Variants in DNM3 observed in about 807,000 individuals in gnomAD.
DNM3 encodes the protein dynamin-3.
In DNM3, 47 loss-of-function variants were observed where a neutral mutation model predicts 101.6. The observed-to-expected ratio is 0.46, with a 90% CI of 0.37 to 0.59. The LOEUF (loss-of-function observed/expected upper bound fraction) is 0.59. DNM3 is among the 20% of genes least tolerant of loss of function. The probability of loss-of-function intolerance (pLI) is 0.00; values close to 1 mark genes in which losing one functional copy is unlikely to be tolerated. For missense variants in DNM3, 849 were observed against 1,085.7 expected (o/e 0.78, Z 3.06); for synonymous variants, 385 against 387.9 (o/e 0.99, Z 0.09).
intron 4 of DNM3, among the ~76,000 whole-genome samples, chr1:171,994,963 A>G (rs926067500): frequency 2.0e-5 from 3 of 151,830 alleles, no homozygotes; most frequent in Admixed American, 2.0e-4. Context: ...TGTCCCCTCC[A>G]GGGGTTTCTA....
At chr1:171,877,685 G>A (rs886769997) in intron 1 of DNM3, among the ~76,000 whole-genome samples, 1 of 152,176 alleles carries the variant, frequency 6.6e-6, no homozygotes, top group Non-Finnish European at 1.5e-5. Flanking sequence ...TTATTGCCAT[G>A]ACTTTCTCAC....
chr1:172,171,912 G>A (rs2058974835), intron 14 of DNM3, among the ~76,000 whole-genome samples: 1 of 151,620 alleles, frequency 6.6e-6, no homozygotes, highest in African/African-American at 2.4e-5. Context: ...AAAGGGGATG[G>A]GGGATTATAT....
chr1:171,956,521 C>T (rs2042869404), intron 2 of DNM3, among the ~76,000 whole-genome samples: 1 of 152,160 alleles, frequency 6.6e-6, no homozygotes, highest in Non-Finnish European at 1.5e-5. Flanking sequence ...GTATAGCCCC[C>T]CTCCTGGCTG....
chr1:172,117,958 G>T (rs16843855), intron 13 of DNM3, among the ~76,000 whole-genome samples: 40,184 of 151,960 alleles, frequency 0.26, 5,718 homozygotes, highest in African/African-American at 0.31. Context: ...CACTCCTCGG[G>T]ACCTCAAGAC....
At chr1:172,113,684 C>T (rs1037536210) in intron 13 of DNM3, among the ~76,000 whole-genome samples, 2 of 142,232 alleles carry the variant, frequency 1.4e-5, no homozygotes, top group Non-Finnish European at 3.0e-5. Flanking sequence ...TAAATTTTTA[C>T]TTTCCTGGCA....
intron 14 of DNM3, among the ~76,000 whole-genome samples, chr1:172,219,360 A>C (rs1302581368): frequency 7.3e-6 from 1 of 136,142 alleles, no homozygotes. Context: ...CCTGGGTGAC[A>C]GAGGAATACC....
intron 14 of DNM3, among the ~76,000 whole-genome samples, chr1:172,224,173 C>G (rs1438987470): frequency 6.6e-6 from 1 of 152,162 alleles, no homozygotes; most frequent in East Asian, 1.9e-4. Flanking sequence ...CATTAGAACT[C>G]ACAACACAGA....
chr1:172,211,706 G>A (rs1572967887), intron 14 of DNM3, among the ~76,000 whole-genome samples: 3 of 152,168 alleles, frequency 2.0e-5, no homozygotes, highest in East Asian at 1.9e-4. Context: ...GATGAACAGC[G>A]AAAGGAAAAA....
intron 2 of DNM3, among the ~76,000 whole-genome samples, chr1:171,962,191 C>G (rs1190645840): frequency 6.6e-6 from 1 of 152,218 alleles, no homozygotes; most frequent in East Asian, 1.9e-4. Context: ...GAAGACAGAG[C>G]TTTCAAGATC....
rs182396193 is a variant in DNM3 at position 172,162,290 on chromosome 1, T to G, written c.1659+31002T>G. 2.0e-5 allele frequency among the ~76,000 whole-genome samples: 3 copies of G among 151,962 alleles called. No homozygotes were observed. In the East Asian group the frequency reaches 5.8e-4, roughly 29 times the overall value. On this transcript the variant is annotated intron_variant, in intron 14 of 20. Coordinates refer to ENST00000627582, the MANE Select transcript of DNM3 (RefSeq NM_015569.5). ...TGACGTATCTGTTGCTTTTGCTTGA[T>G]TATCAGCTTTGAGATTTTCCTTAGA...
chr1:172,210,831 G>A (rs143542475), intron 14 of DNM3, among the ~76,000 whole-genome samples: 161 of 152,192 alleles, frequency 1.1e-3, no homozygotes, highest in African/African-American at 3.8e-3. Flanking sequence ...GGTATAAATT[G>A]TGTTGGTTTC....
chr1:171,940,267 C>T (rs887206858), intron 2 of DNM3, among the ~76,000 whole-genome samples: 3 of 152,118 alleles, frequency 2.0e-5, no homozygotes, highest in African/African-American at 7.2e-5. Flanking sequence ...ATTTTTTTCT[C>T]ATTATTTTCC....
chr1:172,108,144 C>A (rs1347284752), intron 13 of DNM3, among the ~76,000 whole-genome samples: 1 of 151,932 alleles, frequency 6.6e-6, no homozygotes, highest in Non-Finnish European at 1.5e-5. Context: ...ATTGGATAAT[C>A]CTATTCGAGA....
Position 172,411,910 on chromosome 1 carries a change from T to G in DNM3, c.*4069T>G. 1.0e-6 allele frequency: 1 copy of G among 985,818 alleles called. No individual in the cohort carries two copies. Among genetic ancestry groups the G allele is most frequent in the East Asian group, 1.1e-4 (1 of 8,824 alleles). The allele number at this position is 985,818 out of a possible 1,614,324, so 61.1% of individuals were successfully genotyped here. A position where few individuals can be genotyped will look rare whatever the true frequency, so the allele number is the denominator to read the frequency against. ...TCACCAGATCACTCATTGTACATTC[T>G]AAAAAGCTCAAATGAGTCTTCTAGA... On this transcript the variant is annotated 3_prime_UTR_variant, in exon 21 of 21. Transcript: ENST00000627582.
At chr1:172,262,364 G>C (rs1367683027) in intron 15 of DNM3, among the ~76,000 whole-genome samples, 1 of 152,166 alleles carries the variant, frequency 6.6e-6, no homozygotes, top group Non-Finnish European at 1.5e-5. Flanking sequence ...GCTTGGTGGG[G>C]TGGGGGCTGT....
chr1:172,202,574 AG>A (rs1487664386), intron 14 of DNM3, among the ~76,000 whole-genome samples: 11 of 152,146 alleles, frequency 7.2e-5, no homozygotes, highest in African/African-American at 2.7e-4. Flanking sequence ...GGGTTCTTGA[AG>A]GTACAAACCA....
intron 14 of DNM3, among the ~76,000 whole-genome samples, chr1:172,193,698 C>T (rs952417868): frequency 6.6e-6 from 1 of 151,936 alleles, no homozygotes; most frequent in Non-Finnish European, 1.5e-5. Flanking sequence ...TATGGGATTG[C>T]TGGTGATATC....
intron 15 of DNM3, among the ~76,000 whole-genome samples, chr1:172,267,849 A>T (rs1282371050): frequency 6.6e-6 from 1 of 152,056 alleles, no homozygotes. Context: ...AGTAGCTGGG[A>T]CTACAGGCAC....
intron 2 of DNM3, among the ~76,000 whole-genome samples, chr1:171,963,076 C>T (rs755537852): frequency 1.3e-5 from 2 of 152,120 alleles, no homozygotes; most frequent in Admixed American, 6.6e-5. Context: ...CCTACAGAAA[C>T]TGGCACATAA....
Sources: gnomAD v4.1 joint callset for allele counts (sites outside exome capture counted in the v4.1 genomes callset) on GRCh38, gnomAD v4.1.1 for gene constraint, MANE v1.5 for transcripts, NCBI Gene and HGNC (gene_info 2026-07-23, HGNC 2026-07-21) for gene names.